The following WDSUB1 variants were observed in gnomAD, a reference collection of about 807,000 sequenced individuals.
WDSUB1 encodes WD repeat, sterile alpha motif and U-box domain containing 1.
In WDSUB1, 49 loss-of-function variants were observed where a neutral mutation model predicts 53.9. The ratio of observed to expected loss-of-function variants is 0.91; its 90% CI spans 0.72 to 1.15. The LOEUF is 1.15. Among genes scored for constraint, WDSUB1 ranks in the 50% most tolerant of loss-of-function variants. The pLI is 0.00. For synonymous variants in WDSUB1, 194 were observed against 200.6 expected, an observed-to-expected ratio of 0.97 and a Z score of 0.28; for missense variants, 514 against 562.0, an observed-to-expected ratio of 0.91 and a Z score of 0.86.
chr2:159,257,684 A>G lies in WDSUB1; in HGVS notation c.952+74T>C, dbSNP rs148220102. The G allele has an allele frequency of 2.5e-3, 3,432 of 1,361,566 alleles. 5 individuals carry two copies. The highest frequency in any genetic ancestry group is 3.3e-3 in the Non-Finnish European group (3,132 of 959,290). 84.3% of individuals were successfully genotyped at this position (1,361,566 alleles called of 1,614,324 possible). ...ATTACAGGTGTGAGCCGCGGTGCCC[A>G]GCCCGATTTACTAACTTTCTGACCC... is the stretch of plus-strand genomic sequence containing the variant. On this transcript the variant is annotated intron_variant, in intron 8 of 10. Transcript: ENST00000359774.
At chr2:159,285,250 A>G (rs1421146720) in intron 1 of WDSUB1, among the ~76,000 whole-genome samples, 2 of 152,188 alleles carry the variant, frequency 1.3e-5, no homozygotes, top group East Asian at 3.8e-4. Context: ...AAATTAGAAA[A>G]TCTACCAAGA....
At chr2:159,262,527 A>C (rs1002209130) in intron 5 of WDSUB1, among the ~76,000 whole-genome samples, 4 of 152,086 alleles carry the variant, frequency 2.6e-5, no homozygotes, top group South Asian at 4.1e-4. Context: ...GGAAAAAAAA[A>C]CAAAAAACGA....
At chr2:159,245,404 A>G (rs754336689) in intron 10 of WDSUB1, among the ~76,000 whole-genome samples, 10 of 152,010 alleles carry the variant, frequency 6.6e-5, no homozygotes, top group Non-Finnish European at 1.3e-4. Flanking sequence ...ATGGTGTTAC[A>G]CACCTGTAAT....
intron 1 of WDSUB1, among the ~76,000 whole-genome samples, chr2:159,285,206 A>G (rs1293069867): frequency 6.6e-6 from 1 of 152,190 alleles, no homozygotes; most frequent in Non-Finnish European, 1.5e-5. Context: ...AGCCCAACTG[A>G]GTTCCAGCCT....
At chr2:159,270,630 C>G (rs2061427820) in intron 5 of WDSUB1, among the ~76,000 whole-genome samples, 1 of 152,068 alleles carries the variant, frequency 6.6e-6, no homozygotes, top group Non-Finnish European at 1.5e-5. Flanking sequence ...TGGATATTCA[C>G]GTAGAAAGGA....
chr2:159,278,296 G>A (rs899445466), intron 3 of WDSUB1, among the ~76,000 whole-genome samples: 1 of 152,076 alleles, frequency 6.6e-6, no homozygotes, highest in Non-Finnish European at 1.5e-5. Context: ...GGAGTTTAAC[G>A]TAAGAATGGG....
chr2:159,257,689 G>A (rs2061095610), intron 8 of WDSUB1, 69 bp downstream of exon 8: 23 of 1,417,052 alleles, frequency 1.6e-5, no homozygotes, highest in African/African-American at 2.9e-5. Context: ...TGCCCAGCCC[G>A]ATTTACTAAC....
intron 5 of WDSUB1, among the ~76,000 whole-genome samples, chr2:159,270,334 A>C (rs2061422867): frequency 6.6e-6 from 1 of 152,338 alleles, no homozygotes; most frequent in African/African-American, 2.4e-5. Flanking sequence ...ACTCTATATA[A>C]TCCTAATTAA....
At chr2:159,275,972 T>C (rs573254008) in intron 3 of WDSUB1, among the ~76,000 whole-genome samples, 4 of 152,272 alleles carry the variant, frequency 2.6e-5, no homozygotes, top group Non-Finnish European at 4.4e-5. Context: ...CTAGCACTGA[T>C]AGGAAAAATC....
At chr2:159,283,966 C>T (rs897422846) in intron 1 of WDSUB1, among the ~76,000 whole-genome samples, 1 of 152,192 alleles carries the variant, frequency 6.6e-6, no homozygotes, top group Non-Finnish European at 1.5e-5. Flanking sequence ...AGGCATGTCC[C>T]ACCACGCCCG....
chr2:159,271,814 C>T lies in WDSUB1; in HGVS notation c.677-19G>A. 6.3e-7 allele frequency: 1 copy of T among 1,594,204 alleles called. No homozygotes were observed. The highest frequency in any genetic ancestry group is 2.2e-5 in the East Asian group (1 of 44,762). On this transcript the variant is annotated intron_variant, in intron 4 of 10. Coordinates refer to ENST00000359774, the MANE Select transcript of WDSUB1 (RefSeq NM_001128212.3). ...TCAAAACCTGCAAATAACAAGGTAA[C>T]AGAGATTAGAAAGCTGACCATGCTT... is the stretch of plus-strand genomic sequence containing the variant.
chr2:159,248,940 C>T lies in WDSUB1; in HGVS notation c.1133-428G>A, dbSNP rs545946319. ...GATTTTATCTACTACCACCAGAAAT[C>T]TTCTGACATACTGTTTTACCGCATG... On this transcript the variant is annotated intron_variant, in intron 9 of 10. Coordinates refer to ENST00000359774, the MANE Select transcript of WDSUB1 (RefSeq NM_001128212.3). 3.3e-5 allele frequency among the ~76,000 whole-genome samples: 5 copies of T among 152,300 alleles called. No individual in the cohort carries two copies. In the East Asian group the frequency reaches 9.6e-4, roughly 29 times the overall value.
chr2:159,240,584 A>G (rs2060618136), intron 10 of WDSUB1, among the ~76,000 whole-genome samples: 2 of 152,228 alleles, frequency 1.3e-5, no homozygotes, highest in Non-Finnish European at 2.9e-5. Context: ...ATTGCCAAAC[A>G]GCATATCATT....
chr2:159,263,340 C>A (rs1188747214), intron 5 of WDSUB1, among the ~76,000 whole-genome samples: 1 of 152,136 alleles, frequency 6.6e-6, no homozygotes, highest in Non-Finnish European at 1.5e-5. Flanking sequence ...AAAGGATTTG[C>A]AGTCTCTTAC....
rs1040503051 is a variant in WDSUB1 at position 159,258,050 on chromosome 2, A to G, written c.805-65T>C. 2.5e-5 allele frequency: 36 copies of G among 1,441,684 alleles called. 1 individual carries two copies. In the Admixed American group the frequency reaches 2.7e-4, roughly 11 times the overall value. The allele number at this position is 1,441,684 out of a possible 1,614,324, so 89.3% of individuals were successfully genotyped here. ...AGAGTAAAGTTACTGATGAAGACTC[A>G]TTTGACATAAATGGGTTGTATACTA... On this transcript the variant is annotated intron_variant, in intron 6 of 10. Coordinates refer to ENST00000359774, the MANE Select transcript of WDSUB1 (RefSeq NM_001128212.3).
At chr2:159,260,846 C>CA (rs1406248665) in intron 5 of WDSUB1, among the ~76,000 whole-genome samples, 1 of 152,098 alleles carries the variant, frequency 6.6e-6, no homozygotes, top group Non-Finnish European at 1.5e-5. Flanking sequence ...CAAGTGGTAC[C>CA]ACACTCTGCA....
In WDSUB1 at chr2:159,236,288, T is replaced by C. The variant is rs2060479682; in HGVS notation, c.1274-98A>G. ...TAAAAACTCCCTGCAGAGGCCTTTA[T>C]TGTGACTTAAGGGTTATTCCTGTCT... On this transcript the variant is annotated intron_variant, in intron 10 of 10. Coordinates refer to ENST00000359774, the MANE Select transcript of WDSUB1 (RefSeq NM_001128212.3). 4 of 1,198,166 alleles carry C rather than the reference T, an allele frequency of 3.3e-6. 1 individual carries two copies. The highest frequency in any genetic ancestry group is 1.5e-5 in the African/African-American group (1 of 65,010). 74.2% of individuals were successfully genotyped at this position (1,198,166 alleles called of 1,614,324 possible).
intron 10 of WDSUB1, among the ~76,000 whole-genome samples, chr2:159,248,019 A>G (rs1226769906): frequency 6.8e-6 from 1 of 147,702 alleles, no homozygotes; most frequent in Admixed American, 7.1e-5. Context: ...ATGGAATGAT[A>G]CAACTTTATA....
intron 1 of WDSUB1, 67 bp downstream of exon 1, chr2:159,286,516 G>A (rs1040604069): frequency 1.2e-5 from 1 of 83,666 alleles, no homozygotes; most frequent in Admixed American, 2.1e-4. Context: ...GCGCGAGCAG[G>A]CCCAGCCGCG....
Sources: gnomAD v4.1 joint callset for allele counts (sites outside exome capture counted in the v4.1 genomes callset) on GRCh38, gnomAD v4.1.1 for gene constraint, MANE v1.5 for transcripts, NCBI Gene and HGNC (gene_info 2026-07-23, HGNC 2026-07-21) for gene names.